ETV6: variants seen among roughly 807,000 people sequenced by gnomAD.
ETV6 encodes the protein ETS variant transcription factor 6.
In ETV6, 16 loss-of-function variants were observed where a neutral mutation model predicts 51.1. The ratio of observed to expected loss-of-function variants is 0.31; its 90% CI spans 0.21 to 0.48. The LOEUF (loss-of-function observed/expected upper bound fraction) is 0.48. ETV6 is among the 20% of genes least tolerant of loss of function. The pLI, the probability that ETV6 is intolerant of heterozygous loss-of-function variation, is 0.99. For synonymous variants in ETV6, 240 were observed against 224.1 expected, an observed-to-expected ratio of 1.07 and a Z score of -0.64; for missense variants, 458 against 594.8, an observed-to-expected ratio of 0.77 and a Z score of 2.39.
At chr12:11,659,091 A>T (rs1864052512) in intron 1 of ETV6, among the ~76,000 whole-genome samples, 1 of 152,186 alleles carries the variant, frequency 6.6e-6, no homozygotes, top group South Asian at 2.1e-4. Context: ...TGGGCTGGTG[A>T]ATGTTCACTT....
At chr12:11,840,606 C>A in intron 3 of ETV6, 1 of 433,986 alleles carries the variant, frequency 2.3e-6, no homozygotes, top group Non-Finnish European at 4.7e-6. Context: ...TCCCTCATTA[C>A]AGGAGATGAG....
chr12:11,682,443 C>A (rs778865795), intron 1 of ETV6, among the ~76,000 whole-genome samples: 2 of 152,030 alleles, frequency 1.3e-5, no homozygotes, highest in Admixed American at 6.6e-5. Context: ...GTTTTAAGTT[C>A]CTTCTAGATT....
chr12:11,768,585 G>A (rs926171994), intron 2 of ETV6, among the ~76,000 whole-genome samples: 1 of 152,100 alleles, frequency 6.6e-6, no homozygotes, highest in African/African-American at 2.4e-5. Context: ...GCTTAGAACC[G>A]AAGTCAAACC....
chr12:11,834,130 A>C (rs184889649), intron 2 of ETV6, among the ~76,000 whole-genome samples: 1 of 152,196 alleles, frequency 6.6e-6, no homozygotes, highest in Non-Finnish European at 1.5e-5. Context: ...TGGACCAATT[A>C]AGGACGTTTC....
intron 5 of ETV6, among the ~76,000 whole-genome samples, chr12:11,880,359 C>G (rs972419266): frequency 2.0e-5 from 3 of 152,154 alleles, no homozygotes; most frequent in African/African-American, 7.2e-5. Flanking sequence ...TTGCCGGATA[C>G]AAATGTTCTT....
intron 2 of ETV6, among the ~76,000 whole-genome samples, chr12:11,818,915 C>G (rs1048244192): frequency 2.6e-5 from 4 of 152,086 alleles, no homozygotes; most frequent in Non-Finnish European, 5.9e-5. Context: ...CTCAGCCTAC[C>G]CTACCCACAT....
At chr12:11,775,538 C>G (rs1376110416) in intron 2 of ETV6, among the ~76,000 whole-genome samples, 1 of 152,156 alleles carries the variant, frequency 6.6e-6, no homozygotes, top group Non-Finnish European at 1.5e-5. Context: ...AGCTGCTAGG[C>G]ACTGTGAATA....
chr12:11,799,700 T>C (rs2136400611), intron 2 of ETV6, among the ~76,000 whole-genome samples: 1 of 152,354 alleles, frequency 6.6e-6, no homozygotes, highest in Admixed American at 6.5e-5. Context: ...CATACTCCCC[T>C]TCTTGGTCCC....
At chr12:11,713,460 C>G (rs1321114299) in intron 1 of ETV6, among the ~76,000 whole-genome samples, 3 of 152,142 alleles carry the variant, frequency 2.0e-5, no homozygotes, top group Non-Finnish European at 4.4e-5. Flanking sequence ...TTGCTTTCCT[C>G]TTTTGTTACT....
chr12:11,821,104 T>C (rs1946073679), intron 2 of ETV6, among the ~76,000 whole-genome samples: 2 of 152,140 alleles, frequency 1.3e-5, no homozygotes, highest in African/African-American at 4.8e-5. Context: ...GGCTCACGCC[T>C]GTAATCCCAG....
intron 4 of ETV6, among the ~76,000 whole-genome samples, chr12:11,865,445 T>C (rs1946778761): frequency 6.6e-6 from 1 of 151,794 alleles, no homozygotes; most frequent in Non-Finnish European, 1.5e-5. Flanking sequence ...ATCTATACAT[T>C]GCAGATGGTT....
At chr12:11,788,472 A>G (rs1945521912) in intron 2 of ETV6, among the ~76,000 whole-genome samples, 2 of 152,240 alleles carry the variant, frequency 1.3e-5, no homozygotes, top group African/African-American at 2.4e-5. Context: ...AAGGAAACCT[A>G]GCATCTGGCG....
At chr12:11,761,489 T>C (rs1424187692) in intron 2 of ETV6, among the ~76,000 whole-genome samples, 2 of 152,240 alleles carry the variant, frequency 1.3e-5, no homozygotes, top group Non-Finnish European at 2.9e-5. Context: ...CAGATGGTTA[T>C]TAAACAGTAA....
intron 2 of ETV6, among the ~76,000 whole-genome samples, chr12:11,772,127 C>T (rs1347538975): frequency 6.6e-6 from 1 of 152,102 alleles, no homozygotes; most frequent in Non-Finnish European, 1.5e-5. Context: ...TTTCAGACAC[C>T]TAAAAAGTAG....
intron 2 of ETV6, among the ~76,000 whole-genome samples, chr12:11,761,074 C>A (rs569804526): frequency 6.6e-6 from 1 of 152,130 alleles, no homozygotes; most frequent in East Asian, 1.9e-4. Context: ...TGGAGGAGCC[C>A]CAATTTGAAT....
chr12:11,822,026 G>T (rs1484647980), intron 2 of ETV6, among the ~76,000 whole-genome samples: 1 of 152,208 alleles, frequency 6.6e-6, no homozygotes, highest in Non-Finnish European at 1.5e-5. Flanking sequence ...AAAGCTGTTG[G>T]CCCATCCAGT....
intron 1 of ETV6, among the ~76,000 whole-genome samples, chr12:11,721,306 T>A (rs1865381404): frequency 6.6e-6 from 1 of 152,204 alleles, no homozygotes; most frequent in South Asian, 2.1e-4. Context: ...AGACATGGAA[T>A]CAACCTAGGT....
chr12:11,881,135 G>A (rs1008181104), intron 5 of ETV6, among the ~76,000 whole-genome samples: 5 of 152,062 alleles, frequency 3.3e-5, no homozygotes, highest in South Asian at 2.1e-4. Flanking sequence ...ATGAGGTCTC[G>A]TTATGTTGCC....
chr12:11,865,054 A>G (rs1946772546), intron 4 of ETV6, among the ~76,000 whole-genome samples: 2 of 152,204 alleles, frequency 1.3e-5, no homozygotes, highest in African/African-American at 4.8e-5. Context: ...GATCGAGACC[A>G]TCCTGGCTAA....
Sources: allele counts gnomAD v4.1 joint callset (sites outside exome capture counted in the v4.1 genomes callset), GRCh38; gene constraint gnomAD v4.1.1; transcripts MANE v1.5; gene names NCBI Gene and HGNC (gene_info 2026-07-23, HGNC 2026-07-21).